MESD: variants seen among roughly 807,000 people sequenced by gnomAD.
The protein encoded by MESD is LRP chaperone MESD.
MESD carries 7 observed loss-of-function variants against 12.9 expected under a neutral mutation model. The observed-to-expected ratio is 0.54, with a 90% CI of 0.31 to 1.02. MESD has a LOEUF of 1.02. MESD is among the 50% of genes least tolerant of loss of function. MESD has a pLI of 0.05. For synonymous variants in MESD, 126 were observed against 115.6 expected (o/e 1.09, Z -0.58); for missense variants, 342 against 296.7 (o/e 1.15, Z -1.12).
downstream of MESD, among the ~76,000 whole-genome samples, chr15:80,971,054 C>T (rs79388415): frequency 0.05 from 7,659 of 152,234 alleles, 242 homozygotes; most frequent in Middle Eastern, 0.18. Context: ...TCAAGCCCCA[C>T]AAGAGCAGAC....
downstream of MESD, among the ~76,000 whole-genome samples, chr15:80,973,444 T>A (rs1902334037): frequency 1.3e-5 from 2 of 151,870 alleles, no homozygotes; most frequent in African/African-American, 4.8e-5. Flanking sequence ...GAGGCTGAGG[T>A]GGGAGGATGG....
intron 3 of MESD, among the ~76,000 whole-genome samples, chr15:80,967,016 G>A (rs1902186121): frequency 6.6e-6 from 1 of 152,196 alleles, no homozygotes; most frequent in Admixed American, 6.5e-5. Context: ...CCCTTGGCCG[G>A]GCGCAGTGGC....
At chr15:80,961,169 T>C (rs2141790343) in intron 3 of MESD, among the ~76,000 whole-genome samples, 1 of 152,142 alleles carries the variant, frequency 6.6e-6, no homozygotes, top group African/African-American at 2.4e-5. Flanking sequence ...GCACACAATT[T>C]GCAAACAATC....
chr15:80,986,160 CAGACACAGAA>C (rs765576534), intron 1 of MESD, among the ~76,000 whole-genome samples: 10 of 152,050 alleles, frequency 6.6e-5, no homozygotes, highest in Non-Finnish European at 1.2e-4. Context: ...TGCAATAAGC[CAGACACAGAA>C]AGACAAATAC....
In MESD at chr15:80,989,586, T is replaced by C; in HGVS notation, c.206A>G (p.Gln69Arg). ...TGTGCGCGCGCCGCGGACCTCCCAT[T>C]GCTCCAGAAGACGCGCCATGTCTGC... ...NDADMARLLEQWEKDDDIEEG... is the reference protein window; with the variant it reads ...NDADMARLLERWEKDDDIEEG... Residue 69 changes from glutamine (Q) to arginine (R), a missense_variant, in exon 1 of 3, where the codon CAA becomes CGA. By Grantham distance (43) the Gln-to-Arg change is conservative. Transcript: ENST00000261758. 1 of 1,613,068 alleles carries C rather than the reference T, an allele frequency of 6.2e-7. No individual in the cohort carries two copies. Among genetic ancestry groups the C allele is most frequent in the Non-Finnish European group, 8.5e-7 (1 of 1,179,416 alleles).
chr15:80,974,073 T>C (rs1049220431), downstream of MESD, among the ~76,000 whole-genome samples: 11 of 151,898 alleles, frequency 7.2e-5, no homozygotes, highest in African/African-American at 2.7e-4. Context: ...CCCCCCCCAC[T>C]GGGGAGAAGA....
downstream of MESD, among the ~76,000 whole-genome samples, chr15:80,975,099 T>C (rs1166956808): frequency 1.3e-5 from 2 of 150,438 alleles, no homozygotes; most frequent in Admixed American, 6.7e-5. Context: ...AGCTGAAAGG[T>C]AGAGCTGGGC....
intron 3 of MESD, among the ~76,000 whole-genome samples, chr15:80,952,719 T>C (rs1385498553): frequency 2.0e-5 from 3 of 152,208 alleles, no homozygotes; most frequent in Non-Finnish European, 4.4e-5. Flanking sequence ...TTGGTCGTTT[T>C]AAGCTGCCAA....
At chr15:80,982,533 A>G (rs1902609422) in intron 1 of MESD, among the ~76,000 whole-genome samples, 1 of 152,262 alleles carries the variant, frequency 6.6e-6, no homozygotes, top group Non-Finnish European at 1.5e-5. Flanking sequence ...AAATACTGAT[A>G]CATCTAACAA....
intron 3 of MESD, among the ~76,000 whole-genome samples, chr15:80,953,883 T>G (rs994526883): frequency 2.0e-5 from 3 of 152,052 alleles, no homozygotes; most frequent in African/African-American, 7.2e-5. Flanking sequence ...TTGGGAGAAT[T>G]TTGTTCCCAT....
chr15:80,982,064 C>T lies in MESD; in HGVS notation c.332G>A (p.Gly111Glu), dbSNP rs766243377. 3.1e-6 allele frequency: 5 copies of T among 1,613,946 alleles called. No homozygotes were observed. The African/African-American group carries it at 5.3e-5, about 17-fold the overall frequency. The change falls in exon 2 of 3, where the codon GGG (glycine) becomes GAG (glutamate). Residue 111 changes from glycine to glutamate, a missense_variant. Coordinates refer to ENST00000261758, the MANE Select transcript of MESD (RefSeq NM_015154.3). The part of the protein sequence containing the change: ...PESILKMTKK[G>E]KTLMMFVTVS... ...AGTGACAAACATCATGAGAGTCTTC[C>T]CTTTTTTCGTCATTTTCAATATGCT...
chr15:80,968,179 G>A (rs1414156713), intron 3 of MESD, among the ~76,000 whole-genome samples: 2 of 152,218 alleles, frequency 1.3e-5, no homozygotes, highest in Non-Finnish European at 2.9e-5. Flanking sequence ...AGCCATGCAG[G>A]TATCTGAGAG....
Position 80,979,030 on chromosome 15 carries a change from C to T in MESD, c.*189G>A. The T allele has an allele frequency of 1.5e-6, 1 of 678,978 alleles. No individual in the cohort carries two copies. Among genetic ancestry groups the T allele is most frequent in the East Asian group, 2.7e-5 (1 of 36,942 alleles). The allele number at this position is 678,978 out of a possible 1,614,324, so 42.1% of individuals were successfully genotyped here. A position where few individuals can be genotyped will look rare whatever the true frequency, so the allele number is the denominator to read the frequency against. ...GTGTCCAGTATTAATTAGAAAACAT[C>T]TGTCTTCTTACTTGAAGCCTATTAA... is the stretch of plus-strand genomic sequence containing the variant. On this transcript the variant is annotated 3_prime_UTR_variant, in exon 3 of 3. Transcript: ENST00000261758.
rs1429747054 is a variant in MESD, at chr15:80,977,885, G to A, written c.*1334C>T. The A allele has an allele frequency of 6.6e-6, 1 of 152,282 alleles. No individual in the cohort carries two copies. The highest frequency in any genetic ancestry group is 1.5e-5 in the Non-Finnish European group (1 of 68,116). The allele number at this position is 152,282 out of a possible 1,614,324, so 9.4% of individuals were successfully genotyped here. On this transcript the variant is annotated 3_prime_UTR_variant, in exon 3 of 3. Transcript: ENST00000261758. ...CTCACCCTGGAGAGGGCATGGCCTG[G>A]AGGGTGGGGGGACTGCAGGGCAAAT...
At chr15:80,986,279 G>C (rs1288799217) in intron 1 of MESD, among the ~76,000 whole-genome samples, 1 of 152,170 alleles carries the variant, frequency 6.6e-6, no homozygotes, top group Non-Finnish European at 1.5e-5. Flanking sequence ...AGGGGAGATA[G>C]GGAGAGAGGA....
At chr15:80,972,316 A>G (rs1464428771), downstream of MESD, among the ~76,000 whole-genome samples, 1 of 152,224 alleles carries the variant, frequency 6.6e-6, no homozygotes, top group Non-Finnish European at 1.5e-5. Flanking sequence ...TAACACACAC[A>G]TTCTTGCAAT....
At position 80,979,152 on chromosome 15, in the gene MESD, C is replaced by T; in HGVS notation, c.*67G>A. On this transcript the variant is annotated 3_prime_UTR_variant, in exon 3 of 3. Coordinates refer to ENST00000261758, the MANE Select transcript of MESD (RefSeq NM_015154.3). ...GTGCAGTTGCCTGAGACCACTCCCA[C>T]CCCAGGAGCTGGGCAAAGAGCTCTC... The T allele has an allele frequency of 6.4e-7, 1 of 1,558,464 alleles. No individual in the cohort carries two copies. The highest frequency in any genetic ancestry group is 1.2e-5 in the South Asian group (1 of 80,068).
At chr15:80,962,044 G>C (rs780536231) in intron 3 of MESD, among the ~76,000 whole-genome samples, 7 of 152,156 alleles carry the variant, frequency 4.6e-5, no homozygotes, top group Non-Finnish European at 1.0e-4. Context: ...ATACAGACTG[G>C]CAAATTGGAC....
intron 3 of MESD, among the ~76,000 whole-genome samples, chr15:80,954,004 G>T (rs1293686066): frequency 1.3e-5 from 2 of 152,094 alleles, no homozygotes; most frequent in African/African-American, 4.8e-5. Context: ...CCAATCCCCA[G>T]ATGAGCCCTA....
Sources: allele counts gnomAD v4.1 joint callset (sites outside exome capture counted in the v4.1 genomes callset), GRCh38; gene constraint gnomAD v4.1.1; transcripts MANE v1.5; gene names NCBI Gene and HGNC (gene_info 2026-07-23, HGNC 2026-07-21).